Variants in ADAMTS6 observed in about 807,000 individuals in gnomAD.
The protein encoded by ADAMTS6 is A disintegrin and metalloproteinase with thrombospondin motifs 6.
ADAMTS6 carries 23 observed loss-of-function variants against 144.3 expected under a neutral mutation model. The observed-to-expected ratio is 0.16, with a 90% CI of 0.11 to 0.23. ADAMTS6 has a LOEUF of 0.23. ADAMTS6 is among the 10% of genes least tolerant of loss of function. The pLI is 1.00. For missense variants in ADAMTS6, 999 were observed against 1,379.6 expected (o/e 0.72, Z 4.37); for synonymous variants, 444 against 457.5 (o/e 0.97, Z 0.38).
intron 9 of ADAMTS6, among the ~76,000 whole-genome samples, chr5:65,328,531 T>A (rs1232192425): frequency 2.0e-5 from 2 of 101,592 alleles, no homozygotes; most frequent in Non-Finnish European, 4.0e-5. Flanking sequence ...AGAGCTTTCC[T>A]GCTAAAAAAA....
At position 65,196,138 on chromosome 5, in the gene ADAMTS6, A is replaced by C. The variant is rs1755328910; in HGVS notation, c.2705+884T>G. ...GAAGTATACCTCTATGCCTGTACCC[A>C]ACACTCAGAATATAGGATGCCTTAC... On this transcript the variant is annotated intron_variant, in intron 21 of 24. Transcript: ENST00000381055. Among the ~76,000 whole-genome samples the C allele has an allele frequency of 2.0e-5, 3 of 152,314 alleles. No homozygotes were observed. In the South Asian group the frequency reaches 6.2e-4, roughly 32 times the overall value.
At chr5:65,155,782 C>T (rs1051523404) in intron 24 of ADAMTS6, among the ~76,000 whole-genome samples, 4 of 152,190 alleles carry the variant, frequency 2.6e-5, no homozygotes, top group Admixed American at 2.6e-4. Context: ...CTGTCTCTGA[C>T]TCTGTATTCT....
rs377496627 is a variant in ADAMTS6, at chr5:65,473,707, A to G, written c.-34T>C. The G allele has an allele frequency of 7.2e-6, 11 of 1,518,368 alleles. No homozygotes were observed. Among genetic ancestry groups the G allele is most frequent in the Non-Finnish European group, 9.1e-6 (10 of 1,093,058 alleles). 94.1% of individuals were successfully genotyped at this position (1,518,368 alleles called of 1,614,324 possible). On this transcript the variant is annotated 5_prime_UTR_variant, in exon 2 of 25. The change abolishes the stop of an existing upstream ORF in the 5' untranslated region. Coordinates refer to ENST00000381055, the MANE Select transcript of ADAMTS6 (RefSeq NM_197941.4). ...AAACTGGATGATTTTTTTGAGGGCT[A>G]CCTATGTGCTAAAGAGTCAATACCA...
chr5:65,398,255 T>G (rs762953755), intron 7 of ADAMTS6, among the ~76,000 whole-genome samples: 4 of 152,230 alleles, frequency 2.6e-5, no homozygotes, highest in Non-Finnish European at 4.4e-5. Context: ...AGTAGATTCA[T>G]TTATTTCTCC....
At chr5:65,355,992 C>G (rs1262166387) in intron 7 of ADAMTS6, among the ~76,000 whole-genome samples, 1 of 151,704 alleles carries the variant, frequency 6.6e-6, no homozygotes, top group East Asian at 1.9e-4. Context: ...GCTCCTAGCT[C>G]AAACACAAGC....
intron 22 of ADAMTS6, among the ~76,000 whole-genome samples, chr5:65,186,354 A>C (rs1219308095): frequency 1.3e-5 from 2 of 152,174 alleles, no homozygotes; most frequent in Admixed American, 1.3e-4. Flanking sequence ...TATATGTATT[A>C]TTCTCTAGTT....
At chr5:65,173,090 G>T (rs372898244) in intron 22 of ADAMTS6, 82 bp from the exon 23 acceptor site, 21 of 1,365,958 alleles carry the variant, frequency 1.5e-5, no homozygotes, top group Middle Eastern at 3.7e-4. Flanking sequence ...TCATGTAAAT[G>T]TGTGTTTTAG....
intron 15 of ADAMTS6, among the ~76,000 whole-genome samples, chr5:65,230,615 T>A (rs1287549655): frequency 3.1e-5 from 3 of 98,086 alleles, no homozygotes; most frequent in African/African-American, 1.3e-4. Flanking sequence ...GAAATATATA[T>A]AACACATATG....
chr5:65,456,273 G>A (rs1230803184), intron 4 of ADAMTS6, among the ~76,000 whole-genome samples: 1 of 152,078 alleles, frequency 6.6e-6, no homozygotes, highest in African/African-American at 2.4e-5. Context: ...TTCTTCAAAT[G>A]ATACCTGTTA....
chr5:65,232,493 A>G (rs1250876079), intron 15 of ADAMTS6, among the ~76,000 whole-genome samples: 3 of 152,060 alleles, frequency 2.0e-5, no homozygotes, highest in African/African-American at 7.2e-5. Flanking sequence ...AGCCTCAAAT[A>G]AAAATCAGAA....
rs550068243 is a variant in ADAMTS6 at position 65,270,809 on chromosome 5, G to A, written c.1620+2531C>T. ...CATATAAACTTTGCCATATTTACAA[G>A]GTTTTTAAATAGTTTTTCATGGAGG... On this transcript the variant is annotated intron_variant, in intron 12 of 24. Coordinates refer to ENST00000381055, the MANE Select transcript of ADAMTS6 (RefSeq NM_197941.4). Among the ~76,000 whole-genome samples the A allele has an allele frequency of 3.3e-5, 5 of 152,168 alleles. No homozygotes were observed. In the East Asian group the frequency reaches 5.8e-4, roughly 18 times the overall value.
chr5:65,226,040 T>C (rs1757694854), intron 16 of ADAMTS6, 46 bp downstream of exon 16: 5 of 1,559,424 alleles, frequency 3.2e-6, no homozygotes, highest in African/African-American at 2.7e-5. Context: ...GAGAAAAAGA[T>C]AAAAGTCTCA....
chr5:65,437,263 T>G (rs1419403278), intron 7 of ADAMTS6, among the ~76,000 whole-genome samples: 1 of 151,860 alleles, frequency 6.6e-6, no homozygotes, highest in Non-Finnish European at 1.5e-5. Context: ...CCCAGATAAT[T>G]TTTTGCATTT....
intron 7 of ADAMTS6, among the ~76,000 whole-genome samples, chr5:65,345,212 C>T (rs2150080725): frequency 6.6e-6 from 1 of 151,736 alleles, no homozygotes; most frequent in East Asian, 1.9e-4. Context: ...CCTTAATTTC[C>T]AGTAATCTAA....
At chr5:65,362,456 C>A (rs755448781) in intron 7 of ADAMTS6, among the ~76,000 whole-genome samples, 14 of 152,142 alleles carry the variant, frequency 9.2e-5, no homozygotes, top group Non-Finnish European at 1.8e-4. Context: ...TGACCAGAGA[C>A]AATTTTGTCA....
chr5:65,275,344 AAGAAAGAAG>A (rs1762387554), intron 11 of ADAMTS6, among the ~76,000 whole-genome samples: 1 of 147,334 alleles, frequency 6.8e-6, no homozygotes, highest in Non-Finnish European at 1.5e-5. Flanking sequence ...GAAATGAAGA[AAGAAAGAAG>A]AGAAAGAAAG....
At chr5:65,249,696 C>T (rs1405962165) in intron 14 of ADAMTS6, among the ~76,000 whole-genome samples, 1 of 152,194 alleles carries the variant, frequency 6.6e-6, no homozygotes, top group Non-Finnish European at 1.5e-5. Flanking sequence ...CCACTGGTAA[C>T]TCGCATACCT....
chr5:65,478,141 A>C (rs1760967152), intron 1 of ADAMTS6, among the ~76,000 whole-genome samples: 1 of 151,968 alleles, frequency 6.6e-6, no homozygotes, highest in Admixed American at 6.5e-5. Flanking sequence ...AAAAAACCAA[A>C]CAAACAAAAA....
chr5:65,445,769 G>A (rs1284426497), intron 7 of ADAMTS6, among the ~76,000 whole-genome samples: 3 of 152,048 alleles, frequency 2.0e-5, no homozygotes, highest in East Asian at 1.9e-4. Context: ...AACAAGGCAC[G>A]GATAAAAGGA....
Sources: gnomAD v4.1 joint callset for allele counts (sites outside exome capture counted in the v4.1 genomes callset) on GRCh38, gnomAD v4.1.1 for gene constraint, MANE v1.5 for transcripts, NCBI Gene and HGNC (gene_info 2026-07-23, HGNC 2026-07-21) for gene names.